UNC80: variants seen among roughly 807,000 people sequenced by gnomAD.
UNC80 encodes unc-80 subunit of NALCN channel complex.
A neutral mutation model predicts 384.6 loss-of-function variants in UNC80; 164 were observed. The observed-to-expected ratio is 0.43, with a 90% CI of 0.38 to 0.49. UNC80 has a LOEUF of 0.49. UNC80 is among the 20% of genes least tolerant of loss of function. UNC80 has a pLI of 0.00. For missense variants in UNC80, 3,330 were observed against 4,143.0 expected, an observed-to-expected ratio of 0.80 and a Z score of 5.39; for synonymous variants, 1,486 against 1,527.8, an observed-to-expected ratio of 0.97 and a Z score of 0.64.
At position 209,816,917 on chromosome 2, in the gene UNC80, C is replaced by A; in HGVS notation, c.1344C>A (p.Ser448Arg). The change falls in exon 10 of 65, where the codon AGC becomes AGA. Residue 448 changes from serine to arginine, a missense_variant. Physicochemically the swap from Ser to Arg is moderately radical, Grantham distance 110. This residue lies in a region of UNC80 where 937 missense variants were observed against 1,026.8 expected (regional missense o/e 0.91). Coordinates refer to ENST00000673920, the MANE Select transcript of UNC80 (RefSeq NM_001371986.1). Reference protein sequence around the residue: ...LGMNIFKKFKSRKEDRERKGS... With the variant: ...LGMNIFKKFKRRKEDRERKGS... Reference sequence around the variant, plus strand: ...ACCTCTCATCACTGTAGTTCAAGAGCCGCAAAGAAGACCGAGAGAGGAAAG... The same window carrying A: ...ACCTCTCATCACTGTAGTTCAAGAGACGCAAAGAAGACCGAGAGAGGAAAG... 6.4e-7 allele frequency: 1 copy of A among 1,551,694 alleles called. No individual in the cohort carries two copies. The highest frequency in any genetic ancestry group is 8.7e-7 in the Non-Finnish European group (1 of 1,147,002).
chr2:209,949,465 C>A (rs7557312), intron 47 of UNC80, among the ~76,000 whole-genome samples: 8,244 of 151,712 alleles, frequency 0.054, 782 homozygotes, highest in African/African-American at 0.19. Flanking sequence ...CTCCTACCCA[C>A]CCCCCGCTTT....
At chr2:209,898,019 T>G (rs2086974825) in intron 28 of UNC80, among the ~76,000 whole-genome samples, 1 of 152,316 alleles carries the variant, frequency 6.6e-6, no homozygotes, top group South Asian at 2.1e-4. Flanking sequence ...AAAGATTGTT[T>G]ATAATATTCT....
chr2:209,900,420 T>C (rs1362847315), intron 28 of UNC80, among the ~76,000 whole-genome samples: 1 of 152,204 alleles, frequency 6.6e-6, no homozygotes, highest in African/African-American at 2.4e-5. Context: ...TTATTGTCGT[T>C]GTTTTGGGAC....
intron 7 of UNC80, among the ~76,000 whole-genome samples, chr2:209,803,313 A>G (rs2078678119): frequency 6.6e-6 from 1 of 152,198 alleles, no homozygotes; most frequent in Non-Finnish European, 1.5e-5. Context: ...TTCCTATATT[A>G]GCCTTCCACT....
intron 51 of UNC80, chr2:209,961,235 A>G (rs1249684527): frequency 1.3e-5 from 2 of 152,146 alleles, no homozygotes; most frequent in African/African-American, 4.8e-5. Context: ...AATACCTATT[A>G]AAGGTTAAAT....
chr2:209,821,678 C>T (rs2080141505), intron 13 of UNC80, among the ~76,000 whole-genome samples: 2 of 152,138 alleles, frequency 1.3e-5, no homozygotes. Context: ...TTGTCAACAT[C>T]TGGTATATGA....
intron 5 of UNC80, among the ~76,000 whole-genome samples, chr2:209,786,438 T>A (rs2077430606): frequency 6.6e-6 from 1 of 152,212 alleles, no homozygotes; most frequent in Non-Finnish European, 1.5e-5. Flanking sequence ...GGAATTTAAA[T>A]ATCATATTAA....
intron 42 of UNC80, among the ~76,000 whole-genome samples, chr2:209,938,795 T>C (rs1399297615): frequency 6.6e-6 from 1 of 152,076 alleles, no homozygotes. Context: ...GAGTTCTTGC[T>C]CTGATGTACA....
intron 47 of UNC80, 116 bp downstream of exon 47, chr2:209,946,059 GC>G (rs2091899884): frequency 1.2e-6 from 1 of 808,306 alleles, no homozygotes; most frequent in Admixed American, 2.6e-5. Context: ...TGACAAGTAA[GC>G]TTTTAGAAAC....
intron 45 of UNC80, 106 bp from the exon 46 acceptor site, chr2:209,944,945 T>A: frequency 1.6e-6 from 2 of 1,252,996 alleles, no homozygotes; most frequent in Non-Finnish European, 2.2e-6. Context: ...TCCAGGTAGA[T>A]GTTGTACTTG....
At chr2:209,882,780 A>G (rs1380383480) in intron 25 of UNC80, among the ~76,000 whole-genome samples, 1 of 152,208 alleles carries the variant, frequency 6.6e-6, no homozygotes, top group African/African-American at 2.4e-5. Flanking sequence ...ATTGGTCACC[A>G]TTTTGATCCA....
At chr2:209,881,352 T>C (rs2085273658) in intron 25 of UNC80, among the ~76,000 whole-genome samples, 1 of 152,226 alleles carries the variant, frequency 6.6e-6, no homozygotes, top group Non-Finnish European at 1.5e-5. Context: ...CTATCAATTA[T>C]GCTGGGAATA....
intron 38 of UNC80, among the ~76,000 whole-genome samples, chr2:209,932,084 A>G (rs1401355485): frequency 1.3e-5 from 2 of 152,136 alleles, no homozygotes; most frequent in African/African-American, 2.4e-5. Flanking sequence ...GTTGCTGGAT[A>G]TCTGGATGGG....
intron 7 of UNC80, 129 bp downstream of exon 7, chr2:209,793,988 T>C (rs1437348325): frequency 9.3e-7 from 1 of 1,075,446 alleles, no homozygotes; most frequent in Admixed American, 2.7e-5. Context: ...TACATATTCT[T>C]GGTCAAAGTA....
intron 38 of UNC80, among the ~76,000 whole-genome samples, chr2:209,933,464 A>G (rs1170817399): frequency 6.6e-6 from 1 of 150,738 alleles, no homozygotes; most frequent in Non-Finnish European, 1.5e-5. Flanking sequence ...TGAGACTATT[A>G]GACATAATCC....
At chr2:209,961,500 GGA>G (rs2092588986) in intron 51 of UNC80, 1 of 152,098 alleles carries the variant, frequency 6.6e-6, no homozygotes, top group African/African-American at 2.4e-5. Context: ...ATATTTGAAG[GGA>G]GAGTGTATAC....
intron 21 of UNC80, among the ~76,000 whole-genome samples, chr2:209,845,910 C>T (rs1313860772): frequency 6.6e-6 from 1 of 151,968 alleles, no homozygotes; most frequent in Non-Finnish European, 1.5e-5. Flanking sequence ...TTTTTCCTTA[C>T]TTCCTTTTCT....
At chr2:209,834,473 A>G (rs1038778385) in intron 17 of UNC80, among the ~76,000 whole-genome samples, 10 of 152,202 alleles carry the variant, frequency 6.6e-5, no homozygotes, top group African/African-American at 1.9e-4. Flanking sequence ...TCTTCTGTAC[A>G]TAATTTACAC....
intron 47 of UNC80, among the ~76,000 whole-genome samples, chr2:209,949,564 G>T (rs2092063420): frequency 6.6e-6 from 1 of 151,916 alleles, no homozygotes; most frequent in African/African-American, 2.4e-5. Context: ...TGCAACCTCT[G>T]CCTCCTGGGT....
Sources: allele counts gnomAD v4.1 joint callset (sites outside exome capture counted in the v4.1 genomes callset), GRCh38; gene constraint gnomAD v4.1.1; regional missense constraint gnomAD v4.1.1; transcripts MANE v1.5; gene names NCBI Gene and HGNC (gene_info 2026-07-23, HGNC 2026-07-21).